The following SETD7 variants were observed in gnomAD, a reference collection of about 807,000 sequenced individuals.
SETD7 encodes histone-lysine N-methyltransferase SETD7.
Under a neutral mutation model 41.8 loss-of-function variants are expected in SETD7, and 16 were observed. That is an observed-to-expected ratio of 0.38 (90% CI 0.26 to 0.58). SETD7 has a LOEUF of 0.58. Ranked by LOEUF, SETD7 falls within the 20% of genes least tolerant of loss-of-function variation. The pLI, the probability that SETD7 is intolerant of heterozygous loss-of-function variation, is 0.64. For synonymous variants in SETD7, 163 were observed against 169.7 expected (o/e 0.96, Z 0.31); for missense variants, 346 against 459.7 (o/e 0.75, Z 2.26).
At position 139,519,985 on chromosome 4, in the gene SETD7, T is replaced by TA. The variant is rs2111133701; in HGVS notation, c.762+291dup. On this transcript the variant is annotated intron_variant, in intron 6 of 7. Transcript: ENST00000274031. ...AAGCACCCCACCCAAGGTCATGAGT[T>TA]AGTTATTTACAGAGTCTGACTGGAT... 1.3e-5 allele frequency among the ~76,000 whole-genome samples: 2 copies of TA among 152,338 alleles called. 1 individual carries two copies. Among genetic ancestry groups the TA allele is most frequent in the South Asian group, 4.1e-4 (2 of 4,826 alleles).
chr4:139,508,678 C>T lies in SETD7; in HGVS notation c.*2985G>A, dbSNP rs541766381. On this transcript the variant is annotated 3_prime_UTR_variant, in exon 8 of 8. Transcript: ENST00000274031. ...CATAAAGTTATTTCTTTATTCCCCA[C>T]CACATGGAATCTTCCACGTCTGCTG... The T allele has an allele frequency of 1.3e-5, 2 of 152,290 alleles. No homozygotes were observed. The highest frequency in any genetic ancestry group is 6.5e-5 in the Admixed American group (1 of 15,302). The allele number at this position is 152,290 out of a possible 1,614,324, so 9.4% of individuals were successfully genotyped here. A position where few individuals can be genotyped will look rare whatever the true frequency, so the allele number is the denominator to read the frequency against.
In SETD7 at chr4:139,511,563, G is replaced by A. The variant is rs137906004; in HGVS notation, c.*100C>T. 205 of 1,581,374 alleles carry A rather than the reference G, an allele frequency of 1.3e-4. No homozygotes were observed. The East Asian group carries it at 3.2e-3, about 24-fold the overall frequency. On this transcript the variant is annotated 3_prime_UTR_variant, in exon 8 of 8. Coordinates refer to ENST00000274031, the MANE Select transcript of SETD7 (RefSeq NM_030648.4). ...CTAACGCATGGTGAGAGGATGTGAC[G>A]TCACAGCATGAGCAGTCCCTGGTTG...
intron 4 of SETD7, among the ~76,000 whole-genome samples, chr4:139,527,090 G>T (rs964944836): frequency 2.6e-5 from 4 of 152,190 alleles, no homozygotes; most frequent in Admixed American, 1.3e-4. Context: ...AACCTAGATG[G>T]TATAGCCAAC....
intron 3 of SETD7, among the ~76,000 whole-genome samples, chr4:139,531,499 C>A (rs1372633851): frequency 2.0e-5 from 3 of 152,178 alleles, no homozygotes; most frequent in African/African-American, 7.2e-5. Context: ...AGGTTTCGGT[C>A]CTCCTACCCT....
intron 1 of SETD7, among the ~76,000 whole-genome samples, chr4:139,554,785 A>C (rs546149920): frequency 6.6e-6 from 1 of 152,376 alleles, no homozygotes; most frequent in Non-Finnish European, 1.5e-5. Flanking sequence ...TAGTCTGCTT[A>C]ATCTCCCCTT....
intron 2 of SETD7, among the ~76,000 whole-genome samples, chr4:139,539,670 G>A (rs899709490): frequency 7.2e-5 from 11 of 152,092 alleles, no homozygotes; most frequent in Admixed American, 3.3e-4. Flanking sequence ...TTTCTGCTAC[G>A]GACTAAATGT....
At position 139,511,659 on chromosome 4, in the gene SETD7, C is replaced by A; in HGVS notation, c.*4G>T. 1 of 1,613,712 alleles carries A rather than the reference C, an allele frequency of 6.2e-7. No homozygotes were observed. The highest frequency in any genetic ancestry group is 8.5e-7 in the Non-Finnish European group (1 of 1,179,886). ...CAGGTCTCTGAACCCCAAAGCCAGG[C>A]CTTTCACTTTTGCTGGGTGGCCTGG... On this transcript the variant is annotated 3_prime_UTR_variant, in exon 8 of 8. Coordinates refer to ENST00000274031, the MANE Select transcript of SETD7 (RefSeq NM_030648.4).
At position 139,509,710 on chromosome 4, in the gene SETD7, C is replaced by T. The variant is rs1239937462; in HGVS notation, c.*1953G>A. The T allele has an allele frequency of 3.0e-6, 3 of 985,416 alleles. No individual in the cohort carries two copies. 61.0% of individuals were successfully genotyped at this position (985,416 alleles called of 1,614,324 possible). A position where few individuals can be genotyped will look rare whatever the true frequency, so the allele number is the denominator to read the frequency against. The stretch of plus-strand genomic sequence containing the variant: ...TTAAAGCACCTATCAGAATGCAAGT[C>T]CAGAGGCCCTGGCCCATCCGTCACA... On this transcript the variant is annotated 3_prime_UTR_variant, in exon 8 of 8. Coordinates refer to ENST00000274031, the MANE Select transcript of SETD7 (RefSeq NM_030648.4).
Position 139,507,392 on chromosome 4 carries a change from G to A in SETD7, c.*4271C>T, listed in dbSNP as rs1383801378. On this transcript the variant is annotated 3_prime_UTR_variant, in exon 8 of 8. Coordinates refer to ENST00000274031, the MANE Select transcript of SETD7 (RefSeq NM_030648.4). ...CTCTCTCCACGTCAGGTGCAACAAC[G>A]CCGAGGAAGTTGCTGAGAGTCAGAG... 1 of 152,536 alleles carries A rather than the reference G, an allele frequency of 6.6e-6. No homozygotes were observed. The highest frequency in any genetic ancestry group is 1.5e-5 in the Non-Finnish European group (1 of 68,038). 9.4% of individuals were successfully genotyped at this position (152,536 alleles called of 1,614,324 possible).
chr4:139,528,927 A>T, intron 4 of SETD7, 104 bp downstream of exon 4: 1 of 1,014,898 alleles, frequency 9.9e-7, no homozygotes, highest in Non-Finnish European at 1.5e-6. Flanking sequence ...AAACACGATT[A>T]AAGAGAACTA....
Position 139,533,174 on chromosome 4 carries a change from T to C in SETD7, c.363A>G (p.Ile121Met), listed in dbSNP as rs756888799. The part of the protein sequence containing the change: ...KDNIRHGVCW[I>M]YYPDGGSLVG... ...CAGTCACACGGCTTACTGGGTAATA[T>C]ATCCAGCACACTCCATGACGAATGT... The change falls in exon 3 of 8, where the codon ATA (isoleucine) becomes ATG (methionine). Residue 121 changes from isoleucine (I) to methionine (M), a missense_variant. Ile to Met is a conservative substitution (Grantham distance 10, BLOSUM62 1). Around this residue, in one of 3 missense-constraint regions of SETD7, gnomAD observed 266 missense variants for 377.0 expected, o/e 0.71. Coordinates refer to ENST00000274031, the MANE Select transcript of SETD7 (RefSeq NM_030648.4). The C allele has an allele frequency of 4.3e-6, 7 of 1,613,622 alleles. No individual in the cohort carries two copies. The highest frequency in any genetic ancestry group is 8.5e-7 in the Non-Finnish European group (1 of 1,179,626).
chr4:139,538,471 A>C (rs1727699597), intron 2 of SETD7, among the ~76,000 whole-genome samples: 1 of 152,156 alleles, frequency 6.6e-6, no homozygotes, highest in Admixed American at 6.5e-5. Flanking sequence ...CTGGGATTAC[A>C]GGTGTGTGCC....
downstream of SETD7, among the ~76,000 whole-genome samples, chr4:139,502,170 T>C (rs1726593967): frequency 6.6e-6 from 1 of 152,238 alleles, no homozygotes; most frequent in African/African-American, 2.4e-5. Flanking sequence ...CTACGAGTAT[T>C]TATTGAGTGC....
At chr4:139,546,735 G>A (rs773735318) in intron 2 of SETD7, 185 bp downstream of exon 2, 5 of 726,030 alleles carry the variant, frequency 6.9e-6, no homozygotes, top group Non-Finnish European at 1.1e-5. Context: ...TAAGCCTTAG[G>A]CTGGCTGTCC....
chr4:139,501,536 AATTACTCCATGT>A (rs1726575558), downstream of SETD7, among the ~76,000 whole-genome samples: 1 of 152,154 alleles, frequency 6.6e-6, no homozygotes, highest in African/African-American at 2.4e-5. Flanking sequence ...ACCACTGGAT[AATTACTCCATGT>A]AACAAAAAAC....
chr4:139,546,677 TG>T, intron 2 of SETD7: 1 of 512,392 alleles, frequency 2.0e-6, no homozygotes, highest in Non-Finnish European at 3.5e-6. Context: ...CCCCCAAATC[TG>T]GTATCTTTTG....
At chr4:139,503,666 A>G (rs1726633320), downstream of SETD7, among the ~76,000 whole-genome samples, 1 of 151,344 alleles carries the variant, frequency 6.6e-6, no homozygotes, top group Non-Finnish European at 1.5e-5. Context: ...TTAAAAATCC[A>G]TTTATTTAAT....
chr4:139,551,952 A>T (rs557319227), intron 1 of SETD7, among the ~76,000 whole-genome samples: 3 of 152,304 alleles, frequency 2.0e-5, no homozygotes, highest in Non-Finnish European at 2.9e-5. Flanking sequence ...TCAATCACCA[A>T]CTCTTAAAAA....
chr4:139,548,412 C>T (rs1728019470), intron 1 of SETD7, among the ~76,000 whole-genome samples: 1 of 152,176 alleles, frequency 6.6e-6, no homozygotes, highest in Non-Finnish European at 1.5e-5. Context: ...GGGTGGATCA[C>T]CCTAGGTCCA....
Sources: gnomAD v4.1 joint callset for allele counts (sites outside exome capture counted in the v4.1 genomes callset) on GRCh38, gnomAD v4.1.1 for gene constraint, gnomAD v4.1.1 regional missense constraint, MANE v1.5 for transcripts, NCBI Gene and HGNC (gene_info 2026-07-23, HGNC 2026-07-21) for gene names.